MSMB: variants seen among roughly 807,000 people sequenced by gnomAD.
MSMB encodes the protein microseminoprotein beta, also known as beta-microseminoprotein.
Under a neutral mutation model 10.5 loss-of-function variants are expected in MSMB, and 10 were observed. The ratio of observed to expected loss-of-function variants is 0.95; its 90% CI spans 0.59 to 1.62. MSMB has a LOEUF of 1.62. MSMB is among the 40% of genes most tolerant of loss of function. The pLI is 0.00. For synonymous variants in MSMB, 43 were observed against 46.5 expected (o/e 0.93, Z 0.30); for missense variants, 126 against 137.4 (o/e 0.92, Z 0.42).
chr10:46,044,218 G>T (rs564720008), intron 1 of MSMB, among the ~76,000 whole-genome samples: 1 of 152,136 alleles, frequency 6.6e-6, no homozygotes, highest in Non-Finnish European at 1.5e-5. Context: ...ACGCCAGAAT[G>T]GGCTAGGATT....
At chr10:46,035,513 G>A (rs970193614) in intron 3 of MSMB, among the ~76,000 whole-genome samples, 5 of 152,206 alleles carry the variant, frequency 3.3e-5, no homozygotes, top group Non-Finnish European at 7.3e-5. Context: ...CAACATGAAT[G>A]AACCTTGACA....
At chr10:46,044,805 A>AAAATAAAT (rs568817957) in intron 1 of MSMB, among the ~76,000 whole-genome samples, 10 of 151,672 alleles carry the variant, frequency 6.6e-5, no homozygotes, top group African/African-American at 2.2e-4. Context: ...TAACAATAAT[A>AAAATAAAT]AAATAAATAA....
rs1554927081 is a variant in MSMB at position 46,033,467 on chromosome 10, C to T, written c.300G>A (p.Lys100=). The change falls in exon 4 of 4, where the codon AAG becomes AAA. Residue 100 remains lysine (K), a synonymous_variant. Transcript: ENST00000582163. ...CAGAACAGGTCTTTTTTGGGTCCTT[C>T]TTCTCCACCACGATATACTTGCAGT... ...KEDCKYIVVE[K]KDPKKTCSVS... 6.2e-7 allele frequency: 1 copy of T among 1,613,974 alleles called. No homozygotes were observed. The highest frequency in any genetic ancestry group is 8.5e-7 in the Non-Finnish European group (1 of 1,179,872).
intron 2 of MSMB, 71 bp downstream of exon 2, chr10:46,039,915 G>A (rs781984235): frequency 4.8e-5 from 54 of 1,116,036 alleles, no homozygotes; most frequent in Non-Finnish European, 7.1e-5. Context: ...AAACACAAAG[G>A]CTTTCATCTG....
At chr10:46,040,967 G>A (rs10159853) in intron 1 of MSMB, among the ~76,000 whole-genome samples, 3,248 of 146,772 alleles carry the variant, frequency 0.022, 108 homozygotes, top group African/African-American at 0.074. Flanking sequence ...AAAAAAAAAA[G>A]CCAAACTTCT....
At chr10:46,042,978 CT>C (rs1167140120) in intron 1 of MSMB, among the ~76,000 whole-genome samples, 1 of 152,162 alleles carries the variant, frequency 6.6e-6, no homozygotes, top group Non-Finnish European at 1.5e-5. Context: ...GACACAACGC[CT>C]TGATACATTC....
chr10:46,039,943 C>T, intron 2 of MSMB, 43 bp downstream of exon 2: 1 of 1,445,812 alleles, frequency 6.9e-7, no homozygotes, highest in Non-Finnish European at 9.7e-7. Flanking sequence ...GTCCATCTAC[C>T]AGGCTGCAAT....
At chr10:46,035,114 G>A (rs1325630735) in intron 3 of MSMB, among the ~76,000 whole-genome samples, 2 of 152,008 alleles carry the variant, frequency 1.3e-5, no homozygotes, top group African/African-American at 4.8e-5. Context: ...TGTTTACTTA[G>A]AAAATTGGGA....
chr10:46,043,078 T>G (rs1242244813), intron 1 of MSMB, among the ~76,000 whole-genome samples: 1 of 152,120 alleles, frequency 6.6e-6, no homozygotes, highest in Non-Finnish European at 1.5e-5. Context: ...ACCTAAACTT[T>G]TCCCCCCAAA....
At chr10:46,036,751 C>T (rs1840616632) in intron 3 of MSMB, among the ~76,000 whole-genome samples, 1 of 152,144 alleles carries the variant, frequency 6.6e-6, no homozygotes, top group Admixed American at 6.5e-5. Flanking sequence ...ACACCAGGAC[C>T]ACGAGAATCC....
chr10:46,042,027 TC>T (rs1554928700), intron 1 of MSMB, among the ~76,000 whole-genome samples: 1 of 152,080 alleles, frequency 6.6e-6, no homozygotes, highest in Non-Finnish European at 1.5e-5. Flanking sequence ...CCTATTTGAG[TC>T]CCCATTAGTG....
chr10:46,039,920 C>T, intron 2 of MSMB, 66 bp downstream of exon 2: 2 of 1,170,978 alleles, frequency 1.7e-6, no homozygotes, highest in Non-Finnish European at 2.5e-6. Flanking sequence ...CAAAGGCTTT[C>T]ATCTGCAGAC....
intron 1 of MSMB, among the ~76,000 whole-genome samples, chr10:46,041,495 A>G (rs1392148206): frequency 6.6e-6 from 1 of 152,208 alleles, no homozygotes; most frequent in African/African-American, 2.4e-5. Flanking sequence ...TGTTACTCAT[A>G]TATGAATAGA....
At chr10:46,034,144 ACT>A (rs1372589878) in intron 3 of MSMB, among the ~76,000 whole-genome samples, 6 of 151,956 alleles carry the variant, frequency 3.9e-5, no homozygotes, top group African/African-American at 1.2e-4. Flanking sequence ...GATGAATTTC[ACT>A]CTGTCACCCA....
chr10:46,041,699 T>A (rs1840758053), intron 1 of MSMB, among the ~76,000 whole-genome samples: 1 of 151,362 alleles, frequency 6.6e-6, no homozygotes. Context: ...GAGGCTGAGG[T>A]GGAGAATCAC....
chr10:46,033,976 C>T (rs1554927200), intron 3 of MSMB, among the ~76,000 whole-genome samples: 1 of 152,192 alleles, frequency 6.6e-6, no homozygotes. Flanking sequence ...TCACTCCAGG[C>T]CAGTGTCATG....
At position 46,033,457 on chromosome 10, in the gene MSMB, T is replaced by C; in HGVS notation, c.310A>G (p.Lys104Glu). The change falls in exon 4 of 4, where the codon AAA becomes GAA. Residue 104 changes from lysine to glutamate, a missense_variant. Coordinates refer to ENST00000582163, the MANE Select transcript of MSMB (RefSeq NM_002443.4). ...CATTCACTGACAGAACAGGTCTTTT[T>C]TGGGTCCTTCTTCTCCACCACGATA... ...KYIVVEKKDP[K>E]KTCSVSEWII The C allele has an allele frequency of 6.2e-7, 1 of 1,614,012 alleles. No homozygotes were observed. Among genetic ancestry groups the C allele is most frequent in the Non-Finnish European group, 8.5e-7 (1 of 1,179,846 alleles).
In MSMB at chr10:46,033,317, C is replaced by T; in HGVS notation, c.*105G>A. ...AAGGACACACATATTCAAGTGTTTG[C>T]TCAAAAATCTTTTTACTGATAGGCA... is the stretch of plus-strand genomic sequence containing the variant. On this transcript the variant is annotated 3_prime_UTR_variant, in exon 4 of 4. Transcript: ENST00000582163. 7.1e-7 allele frequency: 1 copy of T among 1,414,406 alleles called. No homozygotes were observed. Among genetic ancestry groups the T allele is most frequent in the South Asian group, 1.4e-5 (1 of 72,992 alleles). The allele number at this position is 1,414,406 out of a possible 1,614,324, so 87.6% of individuals were successfully genotyped here. A position where few individuals can be genotyped will look rare whatever the true frequency, so the allele number is the denominator to read the frequency against.
At chr10:46,034,622 G>A (rs963848783) in intron 3 of MSMB, among the ~76,000 whole-genome samples, 19 of 151,750 alleles carry the variant, frequency 1.3e-4, no homozygotes, top group East Asian at 2.0e-4. Flanking sequence ...TCAGGAGATC[G>A]AGACCATCCT....
Sources: gnomAD v4.1 joint callset for allele counts (sites outside exome capture counted in the v4.1 genomes callset) on GRCh38, gnomAD v4.1.1 for gene constraint, MANE v1.5 for transcripts, NCBI Gene and HGNC (gene_info 2026-07-23, HGNC 2026-07-21) for gene names.